The following LRMDA variants were observed in gnomAD, a reference collection of about 807,000 sequenced individuals.
LRMDA encodes the protein leucine-rich melanocyte differentiation-associated protein.
In LRMDA, 18 loss-of-function variants were observed where a neutral mutation model predicts 29.8. The ratio of observed to expected loss-of-function variants is 0.60; its 90% CI spans 0.42 to 0.90. LRMDA has a LOEUF of 0.90. Ranked by LOEUF, LRMDA falls within the 40% of genes least tolerant of loss-of-function variation. LRMDA has a pLI of 0.00. For missense variants in LRMDA, 273 were observed against 273.9 expected (o/e 1.00, Z 0.02); for synonymous variants, 125 against 109.4 (o/e 1.14, Z -0.89).
chr10:75,895,684 C>G (rs1258236646), intron 2 of LRMDA, among the ~76,000 whole-genome samples: 1 of 152,154 alleles, frequency 6.6e-6, no homozygotes, highest in Admixed American at 6.5e-5. Flanking sequence ...CTTAGGAAAT[C>G]CCCAGCAGGG....
chr10:75,749,581 T>G (rs1378792405), intron 2 of LRMDA, among the ~76,000 whole-genome samples: 1 of 152,106 alleles, frequency 6.6e-6, no homozygotes, highest in African/African-American at 2.4e-5. Context: ...CATCTGAAAT[T>G]ATTGGTTTTT....
At chr10:75,651,858 A>G (rs1263339435) in intron 2 of LRMDA, among the ~76,000 whole-genome samples, 2 of 152,218 alleles carry the variant, frequency 1.3e-5, no homozygotes, top group Admixed American at 6.5e-5. Flanking sequence ...AAAGCACTTA[A>G]GGGTACCAAT....
intron 5 of LRMDA, among the ~76,000 whole-genome samples, chr10:76,312,255 G>T (rs971204452): frequency 2.0e-5 from 3 of 152,168 alleles, no homozygotes; most frequent in African/African-American, 7.2e-5. Flanking sequence ...AGGCATGATG[G>T]ATAAACTGTC....
chr10:75,954,878 G>A (rs1846638603), intron 2 of LRMDA, among the ~76,000 whole-genome samples: 1 of 152,172 alleles, frequency 6.6e-6, no homozygotes, highest in Non-Finnish European at 1.5e-5. Flanking sequence ...AGTGGGAGAA[G>A]TTTTGGGAAT....
chr10:75,930,402 A>G (rs1331501351), intron 2 of LRMDA, among the ~76,000 whole-genome samples: 1 of 152,178 alleles, frequency 6.6e-6, no homozygotes, highest in Non-Finnish European at 1.5e-5. Context: ...AGGTGAGAGC[A>G]TAGATTGGTG....
chr10:75,538,668 T>C (rs1256253406), intron 2 of LRMDA, among the ~76,000 whole-genome samples: 1 of 152,200 alleles, frequency 6.6e-6, no homozygotes, highest in African/African-American at 2.4e-5. Context: ...TTCTTAGCTT[T>C]CTCATCTATG....
intron 5 of LRMDA, among the ~76,000 whole-genome samples, chr10:76,177,409 A>AAC (rs142363417): frequency 0.17 from 25,904 of 151,826 alleles, 2,823 homozygotes; most frequent in East Asian, 0.52. Context: ...GACAAAAAAA[A>AAC]AACAACAAAA....
intron 2 of LRMDA, among the ~76,000 whole-genome samples, chr10:75,578,834 A>G (rs1443842509): frequency 1.3e-4 from 3 of 23,534 alleles, no homozygotes; most frequent in African/African-American, 1.6e-4. Context: ...ATGTTCTTTG[A>G]AAAAAAAAAA....
chr10:75,690,228 T>C (rs139372851), intron 2 of LRMDA, among the ~76,000 whole-genome samples: 26 of 152,324 alleles, frequency 1.7e-4, no homozygotes, highest in African/African-American at 6.3e-4. Flanking sequence ...CCTCCTTATA[T>C]GGATGAGAGA....
At chr10:75,923,737 CT>C (rs1454729371) in intron 2 of LRMDA, among the ~76,000 whole-genome samples, 2 of 152,066 alleles carry the variant, frequency 1.3e-5, no homozygotes, top group African/African-American at 4.8e-5. Context: ...TTAAAGACTC[CT>C]TTTAAGGTGT....
At chr10:76,420,622 C>T (rs1376942574) in intron 6 of LRMDA, among the ~76,000 whole-genome samples, 2 of 151,898 alleles carry the variant, frequency 1.3e-5, no homozygotes, top group Non-Finnish European at 2.9e-5. Flanking sequence ...AATTAGATCA[C>T]TGATGTTAGG....
chr10:75,586,370 A>ATTTTTTT (rs1840656170), intron 2 of LRMDA, among the ~76,000 whole-genome samples: 2 of 64,448 alleles, frequency 3.1e-5, no homozygotes, highest in Non-Finnish European at 2.6e-5. Context: ...TTTTTTTTTT[A>ATTTTTTT]AATTAGAGAC....
intron 2 of LRMDA, among the ~76,000 whole-genome samples, chr10:76,013,948 A>G (rs1199727963): frequency 6.6e-6 from 1 of 151,198 alleles, no homozygotes; most frequent in Non-Finnish European, 1.5e-5. Flanking sequence ...CCAATGACTG[A>G]TGGCAGGAGG....
At chr10:75,933,263 C>T (rs765896388) in intron 2 of LRMDA, among the ~76,000 whole-genome samples, 3 of 152,130 alleles carry the variant, frequency 2.0e-5, no homozygotes, top group Non-Finnish European at 2.9e-5. Context: ...GATTGGCCAA[C>T]GAGATTCACT....
chr10:76,050,322 C>T (rs145538285), intron 4 of LRMDA, among the ~76,000 whole-genome samples: 1 of 152,296 alleles, frequency 6.6e-6, no homozygotes, highest in Non-Finnish European at 1.5e-5. Flanking sequence ...TTCACTTCCT[C>T]ACTTACCCCC....
At chr10:75,473,745 C>G (rs1844755383) in intron 2 of LRMDA, among the ~76,000 whole-genome samples, 2 of 152,160 alleles carry the variant, frequency 1.3e-5, no homozygotes, top group Non-Finnish European at 2.9e-5. Context: ...TGTGTAGTGT[C>G]TGACTTATGG....
intron 5 of LRMDA, among the ~76,000 whole-genome samples, chr10:76,106,940 T>A (rs1849495838): frequency 6.6e-6 from 1 of 152,218 alleles, no homozygotes; most frequent in African/African-American, 2.4e-5. Flanking sequence ...AGGCAGGGGC[T>A]GCTGGTAACA....
intron 2 of LRMDA, among the ~76,000 whole-genome samples, chr10:75,586,232 A>G (rs1245113108): frequency 6.7e-6 from 1 of 148,358 alleles, no homozygotes; most frequent in East Asian, 2.1e-4. Flanking sequence ...TGATAGTTCT[A>G]TGTTTCATTT....
chr10:76,250,807 C>T (rs1398885837), intron 5 of LRMDA, among the ~76,000 whole-genome samples: 2 of 152,190 alleles, frequency 1.3e-5, no homozygotes, highest in African/African-American at 4.8e-5. Flanking sequence ...ACTAGAGCAA[C>T]AACTTTGTGG....
Sources: allele counts gnomAD v4.1 joint callset (sites outside exome capture counted in the v4.1 genomes callset), GRCh38; gene constraint gnomAD v4.1.1; transcripts MANE v1.5; gene names NCBI Gene and HGNC (gene_info 2026-07-23, HGNC 2026-07-21).